The following MEI1 variants were observed in gnomAD, a reference collection of about 807,000 sequenced individuals.
The protein encoded by MEI1 is meiosis inhibitor protein 1.
In MEI1, 103 loss-of-function variants were observed where a neutral mutation model predicts 146.2. The ratio of observed to expected loss-of-function variants is 0.70; its 90% CI spans 0.60 to 0.83. The LOEUF is 0.83. MEI1 is among the 40% of genes least tolerant of loss of function. The probability of loss-of-function intolerance (pLI) is 0.00; values close to 1 mark genes in which losing one functional copy is unlikely to be tolerated. For missense variants in MEI1, 1,529 were observed against 1,533.0 expected, an observed-to-expected ratio of 1.00 and a Z score of 0.04; for synonymous variants, 652 against 628.2, an observed-to-expected ratio of 1.04 and a Z score of -0.57.
At chr22:41,738,841 A>G (rs1157315340) in intron 11 of MEI1, among the ~76,000 whole-genome samples, 1 of 151,088 alleles carries the variant, frequency 6.6e-6, no homozygotes, top group African/African-American at 2.4e-5. Context: ...GGTGGCATGC[A>G]CCTATGGTCC....
intron 26 of MEI1, among the ~76,000 whole-genome samples, chr22:41,790,688 G>T (rs552892067): frequency 6.6e-5 from 10 of 151,956 alleles, no homozygotes; most frequent in Non-Finnish European, 1.3e-4. Flanking sequence ...CTGCCTCCTG[G>T]GTTCAAGTGA....
chr22:41,735,709 T>A (rs1198916186), intron 11 of MEI1, among the ~76,000 whole-genome samples: 3 of 152,172 alleles, frequency 2.0e-5, no homozygotes, highest in Non-Finnish European at 4.4e-5. Context: ...AAATTCTCTT[T>A]CATTTTGGTA....
intron 16 of MEI1, among the ~76,000 whole-genome samples, chr22:41,753,344 G>C (rs1434113023): frequency 6.6e-5 from 10 of 151,954 alleles, no homozygotes; most frequent in Admixed American, 6.6e-4. Flanking sequence ...GCCAGACCTG[G>C]TGGTAACACA....
chr22:41,772,121 A>G (rs1005637579), intron 20 of MEI1, among the ~76,000 whole-genome samples: 3 of 152,242 alleles, frequency 2.0e-5, no homozygotes, highest in Non-Finnish European at 4.4e-5. Context: ...CTCCTAGGCT[A>G]CAAACCTGTA....
At chr22:41,714,319 C>T (rs2069890564) in intron 4 of MEI1, among the ~76,000 whole-genome samples, 3 of 152,178 alleles carry the variant, frequency 2.0e-5, no homozygotes, top group Non-Finnish European at 4.4e-5. Flanking sequence ...GAAGTGCCAT[C>T]TTTCTGGCAT....
intron 17 of MEI1, among the ~76,000 whole-genome samples, chr22:41,757,892 A>AG (rs1426747301): frequency 6.6e-6 from 1 of 152,168 alleles, no homozygotes; most frequent in Non-Finnish European, 1.5e-5. Flanking sequence ...GAATCACCTG[A>AG]GGTCAGGAGT....
At chr22:41,776,001 C>T (rs1852767916) in intron 20 of MEI1, 101 bp from the exon 21 acceptor site, 6 of 1,226,446 alleles carry the variant, frequency 4.9e-6, no homozygotes, top group Non-Finnish European at 6.9e-6. Context: ...GTTTTTGTGA[C>T]ATCATAATTA....
chr22:41,732,186 G>A, intron 9 of MEI1, 59 bp from the exon 10 acceptor site: 1 of 1,339,868 alleles, frequency 7.5e-7, no homozygotes, highest in Non-Finnish European at 1.0e-6. Flanking sequence ...CTTCTGGGTG[G>A]GCAGTGAAGG....
In MEI1 at chr22:41,781,674, AC is replaced by A. The variant is rs746544743; in HGVS notation, c.2927-6del. 2 of 1,610,742 alleles carry A rather than the reference AC, an allele frequency of 1.2e-6. No individual in the cohort carries two copies. Among genetic ancestry groups the A allele is most frequent in the Non-Finnish European group, 1.7e-6 (2 of 1,178,604 alleles). The stretch of plus-strand genomic sequence containing the variant: ...AACTCCTGTGGGCCCTGCCTTGCCC[AC>A]CCCCGACAGCTGCTGCAGTGCTCCT... On this transcript the variant is annotated splice_polypyrimidine_tract_variant and intron_variant, in intron 23 of 30. Transcript: ENST00000401548.
At chr22:41,742,403 C>T (rs559823542) in intron 11 of MEI1, among the ~76,000 whole-genome samples, 1 of 152,282 alleles carries the variant, frequency 6.6e-6, no homozygotes, top group South Asian at 2.1e-4. Flanking sequence ...CTAGGTAGTG[C>T]TTCTTTTACC....
intron 16 of MEI1, among the ~76,000 whole-genome samples, chr22:41,752,876 C>A (rs1423129106): frequency 6.6e-6 from 1 of 152,072 alleles, no homozygotes; most frequent in African/African-American, 2.4e-5. Flanking sequence ...TGGATGGGTA[C>A]CTGTCACATC....
intron 16 of MEI1, 51 bp downstream of exon 16, chr22:41,752,702 T>C: frequency 1.4e-6 from 2 of 1,463,114 alleles, no homozygotes; most frequent in Non-Finnish European, 1.9e-6. Context: ...AATGTCCCTC[T>C]TGATGGGACA....
rs1446523656 is a variant in MEI1 at position 41,763,329 on chromosome 22, C to G, written c.2268+8C>G. The G allele has an allele frequency of 1.2e-6, 2 of 1,613,108 alleles. No homozygotes were observed. The highest frequency in any genetic ancestry group is 1.7e-6 in the Non-Finnish European group (2 of 1,179,412). On this transcript the variant is annotated splice_region_variant and intron_variant, in intron 19 of 30. Transcript: ENST00000401548. ...GACAATACACTACGTGAGGTATGGACCACAATGCCTGGGCTCCTTGTCCTT... is the reference window on the plus strand; with the variant it reads ...GACAATACACTACGTGAGGTATGGAGCACAATGCCTGGGCTCCTTGTCCTT...
intron 26 of MEI1, among the ~76,000 whole-genome samples, chr22:41,792,276 A>G (rs1270047543): frequency 6.6e-6 from 1 of 152,154 alleles, no homozygotes; most frequent in Non-Finnish European, 1.5e-5. Flanking sequence ...CCAGCACTAC[A>G]AACTGAGTGC....
intron 1 of MEI1, among the ~76,000 whole-genome samples, chr22:41,699,957 G>A (rs1248283670): frequency 3.3e-5 from 5 of 152,228 alleles, no homozygotes; most frequent in Non-Finnish European, 7.3e-5. Flanking sequence ...CTGAAAGGAC[G>A]GAAATCCGGA....
Position 41,716,119 on chromosome 22 carries a change from C to G in MEI1, c.502C>G (p.Leu168Val), listed in dbSNP as rs759819053. ...LGKLVDAIPALADELVMEHGN... is the reference protein window; with the variant it reads ...LGKLVDAIPAVADELVMEHGN... ...CAAGTTGGTGGATGCCATCCCTGCT[C>G]TGGCAGACGAGCTTGTAATGGAGCA... is the stretch of plus-strand genomic sequence containing the variant. Residue 168 changes from leucine (L) to valine (V), a missense_variant, in exon 5 of 31, where the codon CTG becomes GTG. By Grantham distance (32) the Leu-to-Val change is conservative. Around this residue, in one of 3 missense-constraint regions of MEI1, gnomAD observed 1,212 missense variants for 1,178.9 expected, o/e 1.03. Coordinates refer to ENST00000401548, the MANE Select transcript of MEI1 (RefSeq NM_152513.4). 1.9e-6 allele frequency: 3 copies of G among 1,610,430 alleles called. No homozygotes were observed. Among genetic ancestry groups the G allele is most frequent in the African/African-American group, 1.3e-5 (1 of 74,892 alleles).
intron 19 of MEI1, among the ~76,000 whole-genome samples, chr22:41,768,218 C>G (rs748232245): frequency 2.6e-5 from 4 of 152,044 alleles, no homozygotes; most frequent in Non-Finnish European, 5.9e-5. Context: ...CCTGTCTCTA[C>G]TAAAATACAA....
intron 15 of MEI1, among the ~76,000 whole-genome samples, chr22:41,749,008 G>A (rs979625534): frequency 1.3e-5 from 2 of 152,060 alleles, no homozygotes; most frequent in Non-Finnish European, 2.9e-5. Context: ...GTTTCACCGT[G>A]TTAGCCAGGA....
intron 6 of MEI1, among the ~76,000 whole-genome samples, chr22:41,722,446 C>T (rs868868094): frequency 1.7e-4 from 25 of 151,380 alleles, no homozygotes; most frequent in Admixed American, 2.6e-4. Flanking sequence ...TACAGGTGCA[C>T]GCCACCTTGC....
Sources: gnomAD v4.1 joint callset for allele counts (sites outside exome capture counted in the v4.1 genomes callset) on GRCh38, gnomAD v4.1.1 for gene constraint, gnomAD v4.1.1 regional missense constraint, MANE v1.5 for transcripts, NCBI Gene and HGNC (gene_info 2026-07-23, HGNC 2026-07-21) for gene names.